The following AMBRA1 variants were observed in gnomAD, a reference collection of about 807,000 sequenced individuals.
AMBRA1 encodes autophagy and beclin 1 regulator 1.
Under a neutral mutation model 125.4 loss-of-function variants are expected in AMBRA1, and 47 were observed. That is an observed-to-expected ratio of 0.37 (90% CI 0.30 to 0.48). AMBRA1 has a LOEUF of 0.48. AMBRA1 is among the 20% of genes least tolerant of loss of function. The probability of loss-of-function intolerance (pLI) is 0.99; values close to 1 mark genes in which losing one functional copy is unlikely to be tolerated. For synonymous variants in AMBRA1, 626 were observed against 655.5 expected (o/e 0.95, Z 0.69); for missense variants, 1,331 against 1,693.4 (o/e 0.79, Z 3.76).
At chr11:46,544,717 A>T (rs1261266487) in intron 5 of AMBRA1, among the ~76,000 whole-genome samples, 1 of 152,210 alleles carries the variant, frequency 6.6e-6, no homozygotes, top group Admixed American at 6.5e-5. Context: ...TGAAACTAAA[A>T]GAGAGTCTAA....
rs1028201201 is a variant in AMBRA1, at chr11:46,536,553, T to C, written c.2072+5392A>G. Among the ~76,000 whole-genome samples the C allele has an allele frequency of 2.0e-5, 3 of 152,224 alleles. 1 individual carries two copies. In the South Asian group the frequency reaches 6.2e-4, roughly 32 times the overall value. ...ACTACTAAATTTGGACCCCTTTCTA[T>C]AGTAGTCAGGCTAAGAAGACTGCTA... On this transcript the variant is annotated intron_variant, in intron 7 of 17. Transcript: ENST00000683756.
At chr11:46,503,885 A>G (rs1179040268) in intron 9 of AMBRA1, among the ~76,000 whole-genome samples, 2 of 152,150 alleles carry the variant, frequency 1.3e-5, no homozygotes, top group Non-Finnish European at 2.9e-5. Flanking sequence ...TTTAATACAT[A>G]TGGGGATCTC....
intron 11 of AMBRA1, among the ~76,000 whole-genome samples, chr11:46,464,532 C>T (rs772332165): frequency 7.2e-5 from 11 of 151,942 alleles, no homozygotes; most frequent in Non-Finnish European, 1.6e-4. Flanking sequence ...TTCAAGAAAC[C>T]CCTGAAATAG....
chr11:46,502,511 T>G (rs1950880545), intron 9 of AMBRA1, among the ~76,000 whole-genome samples: 1 of 152,126 alleles, frequency 6.6e-6, no homozygotes, highest in Admixed American at 6.5e-5. Context: ...CCCTCTTCCT[T>G]GGGTACAAGT....
chr11:46,468,195 T>C (rs914750296), intron 11 of AMBRA1, among the ~76,000 whole-genome samples: 2 of 152,012 alleles, frequency 1.3e-5, no homozygotes, highest in Non-Finnish European at 2.9e-5. Flanking sequence ...ATAAAGAATA[T>C]GCAGCAAGCA....
intron 1 of AMBRA1, among the ~76,000 whole-genome samples, chr11:46,566,235 A>G (rs560021393): frequency 6.6e-6 from 1 of 152,224 alleles, no homozygotes; most frequent in East Asian, 1.9e-4. Flanking sequence ...TCTGCCCAAC[A>G]CGGTGAAACC....
At chr11:46,488,984 G>A (rs1487457672) in intron 11 of AMBRA1, among the ~76,000 whole-genome samples, 6 of 152,118 alleles carry the variant, frequency 3.9e-5, no homozygotes, top group Non-Finnish European at 7.4e-5. Flanking sequence ...CTCACTGCAA[G>A]CTCCGCCTCC....
At chr11:46,488,932 G>A (rs980393603) in intron 11 of AMBRA1, among the ~76,000 whole-genome samples, 2 of 152,112 alleles carry the variant, frequency 1.3e-5, no homozygotes, top group Non-Finnish European at 2.9e-5. Context: ...TTTTTGAGAC[G>A]GAGTCTTGCT....
chr11:46,446,897 C>T (rs1948311673), intron 11 of AMBRA1, among the ~76,000 whole-genome samples: 1 of 152,216 alleles, frequency 6.6e-6, no homozygotes, highest in Non-Finnish European at 1.5e-5. Context: ...CTTCAATTTT[C>T]CATATCTGCC....
At chr11:46,436,840 C>G (rs1947744622) in intron 12 of AMBRA1, among the ~76,000 whole-genome samples, 1 of 152,032 alleles carries the variant, frequency 6.6e-6, no homozygotes, top group South Asian at 2.1e-4. Flanking sequence ...CTCTAACCAC[C>G]AAAAGCAGGG....
intron 11 of AMBRA1, among the ~76,000 whole-genome samples, chr11:46,474,910 T>C (rs1409548119): frequency 6.6e-6 from 1 of 151,964 alleles, no homozygotes; most frequent in Non-Finnish European, 1.5e-5. Context: ...AAGAACACAG[T>C]GTGCGCTTGA....
intron 16 of AMBRA1, 49 bp from the exon 17 acceptor site, chr11:46,408,755 C>T: frequency 2.0e-6 from 3 of 1,465,158 alleles, no homozygotes; most frequent in Non-Finnish European, 2.7e-6. Flanking sequence ...GGGACAGCAC[C>T]CCTCACAGCA....
intron 16 of AMBRA1, 82 bp downstream of exon 16, chr11:46,410,194 G>T: frequency 7.7e-7 from 1 of 1,301,380 alleles, no homozygotes; most frequent in African/African-American, 1.4e-5. Flanking sequence ...AGCCCTAGAG[G>T]GCGCTGCTTA....
intron 17 of AMBRA1, among the ~76,000 whole-genome samples, chr11:46,399,955 G>GA (rs1250843701): frequency 2.0e-5 from 3 of 152,046 alleles, no homozygotes; most frequent in Non-Finnish European, 2.9e-5. Flanking sequence ...GGGTGACCTT[G>GA]AAAAAAATCC....
chr11:46,521,581 T>G (rs546727404), intron 7 of AMBRA1, among the ~76,000 whole-genome samples: 24 of 152,402 alleles, frequency 1.6e-4, no homozygotes, highest in Non-Finnish European at 2.9e-4. Flanking sequence ...AAAAAATAAT[T>G]GTGTGTTCTG....
intron 7 of AMBRA1, among the ~76,000 whole-genome samples, chr11:46,521,910 C>T (rs1951777665): frequency 7.0e-6 from 1 of 142,630 alleles, no homozygotes; most frequent in Non-Finnish European, 1.6e-5. Context: ...GTAGATCAGC[C>T]TTATTTTACT....
intron 1 of AMBRA1, among the ~76,000 whole-genome samples, chr11:46,584,641 T>C (rs750992657): frequency 3.3e-5 from 5 of 151,928 alleles, no homozygotes; most frequent in Non-Finnish European, 5.9e-5. Flanking sequence ...GGTCTTGCCA[T>C]GATGATGCCC....
intron 1 of AMBRA1, among the ~76,000 whole-genome samples, chr11:46,550,481 G>A (rs2042959010): frequency 6.6e-6 from 1 of 152,086 alleles, no homozygotes; most frequent in Non-Finnish European, 1.5e-5. Flanking sequence ...GCAATTATTT[G>A]GCATCATGTA....
At chr11:46,406,049 T>G (rs1338607881) in intron 17 of AMBRA1, among the ~76,000 whole-genome samples, 4 of 149,790 alleles carry the variant, frequency 2.7e-5, no homozygotes, top group Admixed American at 1.3e-4. Flanking sequence ...CTGTCTTTAT[T>G]TATTTATTGT....
Sources: allele counts gnomAD v4.1 joint callset (sites outside exome capture counted in the v4.1 genomes callset), GRCh38; gene constraint gnomAD v4.1.1; transcripts MANE v1.5; gene names NCBI Gene and HGNC (gene_info 2026-07-23, HGNC 2026-07-21).